The following NAF1 variants were observed in gnomAD, a reference collection of about 807,000 sequenced individuals.
NAF1 encodes H/ACA ribonucleoprotein complex non-core subunit NAF1.
NAF1 carries 11 observed loss-of-function variants against 40.6 expected under a neutral mutation model. The ratio of observed to expected loss-of-function variants is 0.27; its 90% CI spans 0.17 to 0.45. NAF1 has a LOEUF of 0.45. Ranked by LOEUF, NAF1 falls within the 20% of genes least tolerant of loss-of-function variation. The pLI, the probability that NAF1 is intolerant of heterozygous loss-of-function variation, is 1.00. For synonymous variants in NAF1, 260 were observed against 228.5 expected (o/e 1.14, Z -1.24); for missense variants, 607 against 611.1 (o/e 0.99, Z 0.07).
At chr4:163,137,567 TA>T (rs557434957) in intron 5 of NAF1, among the ~76,000 whole-genome samples, 1 of 152,016 alleles carries the variant, frequency 6.6e-6, no homozygotes, top group Non-Finnish European at 1.5e-5. Context: ...AAACTCAGTT[TA>T]AAAAAAATGC....
intron 2 of NAF1, among the ~76,000 whole-genome samples, chr4:163,152,317 G>T (rs1254444982): frequency 6.6e-6 from 1 of 152,186 alleles, no homozygotes; most frequent in African/African-American, 2.4e-5. Flanking sequence ...GTAATTTCCT[G>T]TAAGTTGAGC....
chr4:163,113,888 G>T (rs958695868), intron 2 of NAF1, among the ~76,000 whole-genome samples: 5 of 152,164 alleles, frequency 3.3e-5, no homozygotes, highest in Non-Finnish European at 5.9e-5. Flanking sequence ...TGGCAATGAG[G>T]TCACTAATGC....
In NAF1 at chr4:163,118,752, C is replaced by CAAAAAAAGAAA. The variant is rs1730427751; in HGVS notation, c.115-8473_115-8463dup. Among the ~76,000 whole-genome samples the CAAAAAAAGAAA allele has an allele frequency of 2.7e-5, 4 of 148,780 alleles. No individual in the cohort carries two copies. In the South Asian group the frequency reaches 8.5e-4, roughly 32 times the overall value. On this transcript the variant is annotated intron_variant, in intron 2 of 2. Coordinates refer to the NAF1 transcript ENST00000509434. ...TGGGCGACAGAGAGAGACGCTGTCT[C>CAAAAAAAGAAA]AAAAAAAGAAAAAAAAAAGAAATAA...
At position 163,129,314 on chromosome 4, in the gene NAF1, A is replaced by G; in HGVS notation, c.1068T>C (p.Asn356=). The part of the protein sequence containing the change: ...EDFTEVHQNW[N]AHSSASEHAK... Reference sequence around the variant, plus strand: ...CATGCTCTGAAGCAGAGCTATGAGCATTCCAATTCTGATGTACTTCAGTAA... The same window carrying G: ...CATGCTCTGAAGCAGAGCTATGAGCGTTCCAATTCTGATGTACTTCAGTAA... Residue 356 remains asparagine, a synonymous_variant, in exon 8 of 8, where the codon AAT becomes AAC. Coordinates refer to ENST00000274054, the MANE Select transcript of NAF1 (RefSeq NM_138386.3). 1 of 1,613,206 alleles carries G rather than the reference A, an allele frequency of 6.2e-7. No homozygotes were observed. Among genetic ancestry groups the G allele is most frequent in the Non-Finnish European group, 8.5e-7 (1 of 1,179,204 alleles).
chr4:163,122,385 G>A (rs1262228822), downstream of NAF1, among the ~76,000 whole-genome samples: 1 of 152,064 alleles, frequency 6.6e-6, no homozygotes, highest in Non-Finnish European at 1.5e-5. Flanking sequence ...CAATTTGGTG[G>A]GAAAAGAGGA....
In NAF1 at chr4:163,129,233, A is replaced by G. The variant is rs1179432758; in HGVS notation, c.1149T>C (p.Pro383=). 3 of 1,613,908 alleles carry G rather than the reference A, an allele frequency of 1.9e-6. No homozygotes were observed. Among genetic ancestry groups the G allele is most frequent in the Middle Eastern group, 1.6e-4 (1 of 6,062 alleles). Residue 383 remains proline (P), a synonymous_variant, in exon 8 of 8, where the codon CCT becomes CCC. Transcript: ENST00000274054. The part of the protein sequence containing the change: ...FTRGFSRARY[P]RSCHGRPPPQ... ...GTGGAGGCCTGCCATGGCAAGATCGAGGGTATCTGGCCCTGGAAAATCCTC... is the reference window on the plus strand; with the variant it reads ...GTGGAGGCCTGCCATGGCAAGATCGGGGGTATCTGGCCCTGGAAAATCCTC...
chr4:163,166,253 G>T, intron 1 of NAF1, 110 bp downstream of exon 1: 3 of 1,365,156 alleles, frequency 2.2e-6, no homozygotes, highest in Non-Finnish European at 2.0e-6. Flanking sequence ...CCAACGACCT[G>T]CCCACCCTCC....
chr4:163,165,996 ATC>A (rs1468214764), intron 1 of NAF1, among the ~76,000 whole-genome samples: 1 of 152,170 alleles, frequency 6.6e-6, no homozygotes, highest in Non-Finnish European at 1.5e-5. Context: ...AAAAAATCAG[ATC>A]TGACACAAAA....
intron 2 of NAF1, among the ~76,000 whole-genome samples, chr4:163,116,502 T>C (rs928787652): frequency 1.3e-5 from 2 of 152,210 alleles, no homozygotes; most frequent in African/African-American, 2.4e-5. Flanking sequence ...TCCTTAAATA[T>C]AAATTTAACA....
chr4:163,155,698 T>C (rs1040996482), intron 2 of NAF1, among the ~76,000 whole-genome samples: 3 of 152,104 alleles, frequency 2.0e-5, no homozygotes, highest in Non-Finnish European at 4.4e-5. Flanking sequence ...CCTAAGATAA[T>C]GAATAAATCT....
intron 2 of NAF1, among the ~76,000 whole-genome samples, chr4:163,160,017 T>G (rs1049173554): frequency 1.3e-5 from 2 of 152,164 alleles, no homozygotes; most frequent in African/African-American, 4.8e-5. Flanking sequence ...ACTTGATACA[T>G]TTGAATGAAG....
chr4:163,111,465 TGGAA>T (rs922639219), intron 2 of NAF1, among the ~76,000 whole-genome samples: 4 of 152,174 alleles, frequency 2.6e-5, no homozygotes, highest in African/African-American at 9.6e-5. Context: ...CTTGATCAAC[TGGAA>T]GGATGGAGTT....
intron 2 of NAF1, among the ~76,000 whole-genome samples, chr4:163,163,880 T>G (rs1732332626): frequency 1.3e-5 from 2 of 152,058 alleles, no homozygotes; most frequent in South Asian, 4.1e-4. Flanking sequence ...CAATTGCTAT[T>G]GAGCAAAATT....
At position 163,133,208 on chromosome 4, in the gene NAF1, T is replaced by C. The variant is rs1443973587; in HGVS notation, c.979A>G (p.Lys327Glu). Residue 327 changes from lysine (K) to glutamate (E), a missense_variant, in exon 7 of 8, where the codon AAA (lysine) becomes GAA (glutamate). Lys to Glu is a moderately conservative substitution (Grantham distance 56). Coordinates refer to ENST00000274054, the MANE Select transcript of NAF1 (RefSeq NM_138386.3). ...TTCCGGCCTTGAATCTGAGATTTTT[T>C]CCTCTGTTTGGCTTCCTTCTCTTTT... ...DEKEKEAKQR[K>E]KSQIQGRKKL... 6.2e-7 allele frequency: 1 copy of C among 1,613,798 alleles called. No homozygotes were observed. The highest frequency in any genetic ancestry group is 8.5e-7 in the Non-Finnish European group (1 of 1,179,906).
intron 2 of NAF1, among the ~76,000 whole-genome samples, chr4:163,114,513 C>G (rs1178555654): frequency 6.6e-6 from 1 of 152,158 alleles, no homozygotes; most frequent in Non-Finnish European, 1.5e-5. Flanking sequence ...ACATTCTGTT[C>G]ATGTGATGAA....
chr4:163,121,506 A>G (rs1376685752), intron 2 of NAF1, among the ~76,000 whole-genome samples: 4 of 152,150 alleles, frequency 2.6e-5, no homozygotes, highest in African/African-American at 9.7e-5. Flanking sequence ...TCTTGTGAAT[A>G]ATACTGTTCT....
At chr4:163,141,890 G>C (rs896785768) in intron 4 of NAF1, 1 of 946,404 alleles carries the variant, frequency 1.1e-6, no homozygotes, top group Admixed American at 6.2e-5. Flanking sequence ...GTACAGCACT[G>C]AATCTTTCAT....
At position 163,166,701 on chromosome 4, in the gene NAF1, A is replaced by G; in HGVS notation, c.27T>C (p.Ala9=). Residue 9 remains alanine (A), a synonymous_variant, in exon 1 of 8, where the codon GCT becomes GCC. Transcript: ENST00000274054. ...CATTGAATTTCAGAGTTTCCAGCTG[A>G]GCGGCGGCGGCCTCCACTACCTCCA... MEVVEAAA[A]QLETLKFNGT... 1.9e-6 allele frequency: 3 copies of G among 1,613,504 alleles called. No homozygotes were observed. The highest frequency in any genetic ancestry group is 2.5e-6 in the Non-Finnish European group (3 of 1,179,990).
chr4:163,110,296 A>C, intron 2 of NAF1: 1 of 700,984 alleles, frequency 1.4e-6, no homozygotes, highest in Non-Finnish European at 2.6e-6. Flanking sequence ...ATGGTCTGAA[A>C]ATAGGTGAGG....
Sources: allele counts gnomAD v4.1 joint callset (sites outside exome capture counted in the v4.1 genomes callset), GRCh38; gene constraint gnomAD v4.1.1; transcripts MANE v1.5; gene names NCBI Gene and HGNC (gene_info 2026-07-23, HGNC 2026-07-21).